The following TASP1 variants were observed in gnomAD, a reference collection of about 807,000 sequenced individuals.
The protein encoded by TASP1 is taspase 1.
Under a neutral mutation model 56.6 loss-of-function variants are expected in TASP1, and 16 were observed. The ratio of observed to expected loss-of-function variants is 0.28; its 90% CI spans 0.19 to 0.43. The LOEUF (loss-of-function observed/expected upper bound fraction) is 0.43, where lower values mean the gene tolerates loss of function less well. TASP1 is among the 20% of genes least tolerant of loss of function. The pLI is 1.00. For missense variants in TASP1, 393 were observed against 511.6 expected, an observed-to-expected ratio of 0.77 and a Z score of 2.24; for synonymous variants, 179 against 184.2, an observed-to-expected ratio of 0.97 and a Z score of 0.23.
the TASP1 span, among the ~76,000 whole-genome samples, chr20:13,159,342 G>A: frequency 6.6e-6 from 1 of 152,088 alleles, no homozygotes; most frequent in Non-Finnish European, 1.5e-5. Flanking sequence ...CAGTTGCTGA[G>A]TTTATTATCC....
At chr20:13,605,468 G>A (rs563277823) in intron 4 of TASP1, among the ~76,000 whole-genome samples, 13 of 152,038 alleles carry the variant, frequency 8.6e-5, no homozygotes, top group South Asian at 2.1e-4. Flanking sequence ...ACTCAAGGTC[G>A]GCGGTTTGAG....
At chr20:13,313,088 C>T in the TASP1 span, among the ~76,000 whole-genome samples, 1 of 152,158 alleles carries the variant, frequency 6.6e-6, no homozygotes, top group Non-Finnish European at 1.5e-5. Context: ...CTTCTTTGGG[C>T]CCCATCCCAC....
intron 8 of TASP1, among the ~76,000 whole-genome samples, chr20:13,545,865 T>C (rs755829493): frequency 1.1e-4 from 17 of 152,168 alleles, no homozygotes; most frequent in Non-Finnish European, 2.4e-4. Flanking sequence ...TCTTTCTTTC[T>C]ACCCAGACAT....
At chr20:13,358,163 TTGAC>T in the TASP1 span, among the ~76,000 whole-genome samples, 1 of 152,118 alleles carries the variant, frequency 6.6e-6, no homozygotes, top group Non-Finnish European at 1.5e-5. Flanking sequence ...CAAACCCCCT[TTGAC>T]TGTAATTTTC....
chr20:13,562,611 T>A (rs2046378349), intron 7 of TASP1, among the ~76,000 whole-genome samples: 1 of 152,078 alleles, frequency 6.6e-6, no homozygotes, highest in South Asian at 2.1e-4. Flanking sequence ...GCACAGTGGC[T>A]CATGCCTGTA....
chr20:13,205,761 ACT>A, the TASP1 span, among the ~76,000 whole-genome samples: 1 of 151,942 alleles, frequency 6.6e-6, no homozygotes, highest in Non-Finnish European at 1.5e-5. Context: ...TCCATAACAC[ACT>A]CTCTGCCTTG....
At chr20:13,294,807 T>C in the TASP1 span, among the ~76,000 whole-genome samples, 3 of 152,308 alleles carry the variant, frequency 2.0e-5, no homozygotes, top group South Asian at 4.1e-4. Flanking sequence ...TTAATCCTCT[T>C]TGCAACTTTA....
chr20:13,189,922 T>G, the TASP1 span, among the ~76,000 whole-genome samples: 1 of 152,194 alleles, frequency 6.6e-6, no homozygotes, highest in Non-Finnish European at 1.5e-5. Context: ...AGTGGTGGAA[T>G]GTATAAAGAA....
the TASP1 span, among the ~76,000 whole-genome samples, chr20:13,249,608 C>T: frequency 6.6e-6 from 1 of 152,172 alleles, no homozygotes; most frequent in Non-Finnish European, 1.5e-5. Flanking sequence ...TTATTTACAC[C>T]ACAGTCATAA....
At chr20:13,123,838 A>G in the TASP1 span, among the ~76,000 whole-genome samples, 2 of 152,006 alleles carry the variant, frequency 1.3e-5, no homozygotes, top group East Asian at 1.9e-4. Context: ...CCATCATCCA[A>G]TTCCCAGGAC....
chr20:13,475,481 T>C (rs1024167084), intron 11 of TASP1, among the ~76,000 whole-genome samples: 1 of 152,194 alleles, frequency 6.6e-6, no homozygotes, highest in African/African-American at 2.4e-5. Flanking sequence ...CAGGCACATG[T>C]TCCACTTTTC....
the TASP1 span, among the ~76,000 whole-genome samples, chr20:13,371,504 T>C: frequency 6.6e-6 from 1 of 152,312 alleles, no homozygotes; most frequent in East Asian, 1.9e-4. Flanking sequence ...TCTCTTGTGA[T>C]CAGAGGACGT....
chr20:13,611,120 A>G (rs1326428308), intron 4 of TASP1, among the ~76,000 whole-genome samples: 1 of 152,242 alleles, frequency 6.6e-6, no homozygotes, highest in Non-Finnish European at 1.5e-5. Flanking sequence ...AAAGACAGCC[A>G]TAAATATTAT....
chr20:13,138,202 T>A, the TASP1 span, among the ~76,000 whole-genome samples: 2 of 152,214 alleles, frequency 1.3e-5, no homozygotes, highest in African/African-American at 4.8e-5. Context: ...ACAAGTGCCA[T>A]GAGGGCAGAG....
intron 8 of TASP1, among the ~76,000 whole-genome samples, chr20:13,542,483 AAT>A (rs1330569815): frequency 6.6e-6 from 1 of 152,196 alleles, no homozygotes; most frequent in Non-Finnish European, 1.5e-5. Flanking sequence ...ATCAGTAAGA[AAT>A]GGACGTGAAT....
At chr20:13,445,529 A>G (rs1004291768) in intron 11 of TASP1, among the ~76,000 whole-genome samples, 1 of 152,194 alleles carries the variant, frequency 6.6e-6, no homozygotes, top group African/African-American at 2.4e-5. Flanking sequence ...ATGAGTTGAG[A>G]CAGGTGAACT....
chr20:13,420,395 A>G (rs981991648), intron 12 of TASP1, among the ~76,000 whole-genome samples: 6 of 152,204 alleles, frequency 3.9e-5, no homozygotes, highest in Admixed American at 3.9e-4. Context: ...TTTAAAGAAA[A>G]TAACTCAATG....
chr20:13,596,588 C>G (rs6105136), intron 4 of TASP1, among the ~76,000 whole-genome samples: 1 of 151,796 alleles, frequency 6.6e-6, no homozygotes, highest in African/African-American at 2.4e-5. Context: ...AGGAAAAATC[C>G]AAAATCAACA....
chr20:13,160,221 G>A, the TASP1 span: 2 of 1,441,862 alleles, frequency 1.4e-6, no homozygotes, highest in Admixed American at 4.6e-5. Flanking sequence ...GGGTTCTCTG[G>A]GTTTCTCTTG....
Sources: gnomAD v4.1 joint callset for allele counts (sites outside exome capture counted in the v4.1 genomes callset) on GRCh38, gnomAD v4.1.1 for gene constraint, MANE v1.5 for transcripts, NCBI Gene and HGNC (gene_info 2026-07-23, HGNC 2026-07-21) for gene names.